CNTNAP3B: variants seen among roughly 807,000 people sequenced by gnomAD.
The protein encoded by CNTNAP3B is contactin-associated protein-like 3B.
A neutral mutation model predicts 108.9 loss-of-function variants in CNTNAP3B; 25 were observed. The observed-to-expected ratio is 0.23, with a 90% CI of 0.17 to 0.32. CNTNAP3B has a LOEUF of 0.32. Ranked by LOEUF, CNTNAP3B falls within the 10% of genes least tolerant of loss-of-function variation. CNTNAP3B has a pLI of 1.00. For missense variants in CNTNAP3B, 252 were observed against 1,210.4 expected (o/e 0.21, Z 11.75); for synonymous variants, 103 against 473.4 (o/e 0.22, Z 10.16).
At chr9:41,966,267 AACAT>A (rs1198386247) in intron 10 of CNTNAP3B, among the ~76,000 whole-genome samples, 2 of 152,306 alleles carry the variant, frequency 1.3e-5, no homozygotes, top group African/African-American at 2.4e-5. Flanking sequence ...AATTTTAAAA[AACAT>A]TAAAAACCAC....
rs1290944845 is a variant in CNTNAP3B at position 42,098,138 on chromosome 9, G to A, written c.196+6491C>T. On this transcript the variant is annotated intron_variant, in intron 2 of 23. Transcript: ENST00000377561. Reference sequence around the variant, plus strand: ...TGGAGTAAGGTGCTAATGTAAAAAAGTTGATTATTGGAGTTTATAAAAGCA... The same window carrying A: ...TGGAGTAAGGTGCTAATGTAAAAAAATTGATTATTGGAGTTTATAAAAGCA... 3.6e-5 allele frequency among the ~76,000 whole-genome samples: 5 copies of A among 139,296 alleles called. 1 individual carries two copies. Among genetic ancestry groups the A allele is most frequent in the African/African-American group, 1.4e-4 (5 of 35,174 alleles). 91.4% of individuals were successfully genotyped at this position (139,296 alleles called of 152,430 possible).
At chr9:42,115,988 T>C (rs1418341518) in intron 1 of CNTNAP3B, among the ~76,000 whole-genome samples, 6 of 137,670 alleles carry the variant, frequency 4.4e-5, no homozygotes, top group Non-Finnish European at 6.2e-5. Flanking sequence ...ATTAGACGAA[T>C]GGCTAACTAG....
chr9:42,089,879 C>G (rs1333272875), intron 2 of CNTNAP3B, among the ~76,000 whole-genome samples: 1 of 140,202 alleles, frequency 7.1e-6, no homozygotes, highest in Non-Finnish European at 1.5e-5. Context: ...CACGGGCTTG[C>G]TCCCTGATTG....
chr9:42,036,509 G>A (rs1409401406), intron 3 of CNTNAP3B, among the ~76,000 whole-genome samples: 3 of 136,862 alleles, frequency 2.2e-5, no homozygotes, highest in Admixed American at 7.3e-5. Flanking sequence ...AGGAGCGCCC[G>A]CCATTGCTGA....
intron 12 of CNTNAP3B, among the ~76,000 whole-genome samples, chr9:41,954,512 C>T: frequency 6.6e-6 from 1 of 152,270 alleles, no homozygotes; most frequent in Non-Finnish European, 1.5e-5. Context: ...CACAAATGAG[C>T]CACAAGTACA....
rs1438008264 is a variant in CNTNAP3B, at chr9:42,080,562, C to T, written c.197-3500G>A. On this transcript the variant is annotated intron_variant, in intron 2 of 23. Transcript: ENST00000377561. Reference sequence around the variant, plus strand: ...CAGCTTTGATGGTTGGTATAGAAGGCCACTATGGGTAACAGAAAGAGAAAG... The same window carrying T: ...CAGCTTTGATGGTTGGTATAGAAGGTCACTATGGGTAACAGAAAGAGAAAG... Among the ~76,000 whole-genome samples the T allele has an allele frequency of 3.0e-5, 4 of 135,230 alleles. No individual in the cohort carries two copies. In the East Asian group the frequency reaches 6.9e-4, roughly 23 times the overall value. 88.7% of individuals were successfully genotyped at this position (135,230 alleles called of 152,430 possible). A position where few individuals can be genotyped will look rare whatever the true frequency, so the allele number is the denominator to read the frequency against.
chr9:42,087,193 T>A (rs1272838825), intron 2 of CNTNAP3B, among the ~76,000 whole-genome samples: 1 of 140,180 alleles, frequency 7.1e-6, no homozygotes, highest in Non-Finnish European at 1.5e-5. Flanking sequence ...ACTTATTAGT[T>A]GGTGTCTTTT....
chr9:42,107,797 A>T (rs1587276975), intron 1 of CNTNAP3B, among the ~76,000 whole-genome samples: 1 of 134,410 alleles, frequency 7.4e-6, no homozygotes, highest in Non-Finnish European at 1.6e-5. Context: ...AATACGGTGA[A>T]ACCCCGTCTC....
chr9:41,941,122 A>T (rs1328202757), intron 13 of CNTNAP3B, among the ~76,000 whole-genome samples: 1 of 151,040 alleles, frequency 6.6e-6, no homozygotes, highest in East Asian at 1.9e-4. Flanking sequence ...TAAGGATTCC[A>T]TATTTCATTA....
chr9:41,949,353 T>C (rs1334500284), intron 13 of CNTNAP3B, among the ~76,000 whole-genome samples: 11 of 86,844 alleles, frequency 1.3e-4, no homozygotes, highest in African/African-American at 4.8e-4. Flanking sequence ...GTCATTCCCA[T>C]AAAAATTCTA....
intron 1 of CNTNAP3B, among the ~76,000 whole-genome samples, chr9:42,111,890 C>A (rs1392766104): frequency 7.2e-6 from 1 of 138,768 alleles, no homozygotes; most frequent in Non-Finnish European, 1.5e-5. Context: ...CACACACACA[C>A]CTTACATATC....
At chr9:42,035,454 A>G (rs958401073) in intron 3 of CNTNAP3B, among the ~76,000 whole-genome samples, 2 of 145,982 alleles carry the variant, frequency 1.4e-5, no homozygotes, top group African/African-American at 5.2e-5. Flanking sequence ...AGATAAAATC[A>G]CTCAGAAGAT....
At chr9:41,928,734 AAAG>A (rs1232719044) in intron 15 of CNTNAP3B, among the ~76,000 whole-genome samples, 215 of 148,488 alleles carry the variant, frequency 1.4e-3, no homozygotes, top group African/African-American at 4.4e-3. Flanking sequence ...TTTCTCAGGG[AAAG>A]AAGATTTTTA....
rs188346644 is a variant in CNTNAP3B at position 42,080,271 on chromosome 9, C to T, written c.197-3209G>A. ...AACAGATGACACATTTCAGTGACTT[C>T]ATTTTACCTTTGATGAAGTAGTACT... On this transcript the variant is annotated intron_variant, in intron 2 of 23. Coordinates refer to ENST00000377561, the MANE Select transcript of CNTNAP3B (RefSeq NM_001201380.3). Among the ~76,000 whole-genome samples the T allele has an allele frequency of 6.0e-3, 820 of 136,274 alleles. 164 individuals are homozygous for T. Among genetic ancestry groups the T allele is most frequent in the African/African-American group, 0.023 (781 of 33,946 alleles). The allele number at this position is 136,274 out of a possible 152,430, so 89.4% of individuals were successfully genotyped here.
chr9:41,950,821 C>T lies in CNTNAP3B; in HGVS notation c.2080+2362G>A, dbSNP rs1261781560. On this transcript the variant is annotated intron_variant, in intron 13 of 23. Transcript: ENST00000377561. ...TGTCGCCCAGGCTGGAGTGCAGTGG[C>T]GCCATCTCGGCTCACTGCAAGCTCC... is the stretch of plus-strand genomic sequence containing the variant. Among the ~76,000 whole-genome samples, 19 of 133,164 alleles carry T rather than the reference C, an allele frequency of 1.4e-4. No individual in the cohort carries two copies. The East Asian group carries it at 3.2e-3, about 22-fold the overall frequency. 87.4% of individuals were successfully genotyped at this position (133,164 alleles called of 152,430 possible).
intron 1 of CNTNAP3B, among the ~76,000 whole-genome samples, chr9:42,112,140 G>A (rs1446879251): frequency 1.4e-5 from 2 of 139,808 alleles, no homozygotes; most frequent in East Asian, 4.3e-4. Context: ...TCCTGAATGT[G>A]GGATGCATGC....
At chr9:41,925,592 C>G (rs1287921102) in intron 15 of CNTNAP3B, among the ~76,000 whole-genome samples, 1 of 140,250 alleles carries the variant, frequency 7.1e-6, no homozygotes, top group Admixed American at 6.9e-5. Context: ...GACTCCATCT[C>G]AAAAACAAAC....
intron 10 of CNTNAP3B, among the ~76,000 whole-genome samples, chr9:41,969,832 G>A: frequency 8.0e-6 from 1 of 125,342 alleles, no homozygotes; most frequent in Non-Finnish European, 1.7e-5. Context: ...CACCATGTTA[G>A]CCAGGATGAA....
intron 10 of CNTNAP3B, among the ~76,000 whole-genome samples, chr9:41,968,307 C>T (rs1330724681): frequency 7.0e-6 from 1 of 142,500 alleles, no homozygotes; most frequent in Non-Finnish European, 1.5e-5. Context: ...TACCCCTTAA[C>T]TCAGAGAGAG....
Sources: allele counts gnomAD v4.1 joint callset (sites outside exome capture counted in the v4.1 genomes callset), GRCh38; gene constraint gnomAD v4.1.1; transcripts MANE v1.5; gene names NCBI Gene and HGNC (gene_info 2026-07-23, HGNC 2026-07-21).